Variants in AKAP13 observed in about 807,000 individuals in gnomAD.
AKAP13 encodes the protein A-kinase anchor protein 13.
In AKAP13, 80 loss-of-function variants were observed where a neutral mutation model predicts 264.5. That is an observed-to-expected ratio of 0.30 (90% confidence interval 0.25 to 0.36). The LOEUF (loss-of-function observed/expected upper bound fraction) is 0.36. Among genes scored for constraint, AKAP13 ranks in the 10% least tolerant of loss-of-function variants. The pLI, the probability that AKAP13 is intolerant of heterozygous loss-of-function variation, is 1.00. For synonymous variants in AKAP13, 1,380 were observed against 1,250.2 expected (o/e 1.10, Z -2.19); for missense variants, 3,712 against 3,435.2 (o/e 1.08, Z -2.01).
At chr15:85,721,404 G>A (rs1005852348) in intron 23 of AKAP13, among the ~76,000 whole-genome samples, 10 of 152,178 alleles carry the variant, frequency 6.6e-5, no homozygotes, top group African/African-American at 2.4e-4. Flanking sequence ...TCAATAATTA[G>A]CATGTATTTT....
At chr15:85,390,371 G>C (rs2070794282) in intron 1 of AKAP13, among the ~76,000 whole-genome samples, 1 of 152,184 alleles carries the variant, frequency 6.6e-6, no homozygotes, top group African/African-American at 2.4e-5. Flanking sequence ...AAGGGAGCAA[G>C]TCACATGAAG....
intron 17 of AKAP13, among the ~76,000 whole-genome samples, chr15:85,700,683 G>C (rs768424023): frequency 1.3e-5 from 2 of 152,088 alleles, no homozygotes; most frequent in Non-Finnish European, 1.5e-5. Context: ...ACATAAAAAC[G>C]TACCTTCTTA....
intron 1 of AKAP13, among the ~76,000 whole-genome samples, chr15:85,462,968 GAGCCGAGATCCCGCCACTGCACTCC>G (rs1168057681): frequency 1.0e-4 from 14 of 137,872 alleles, no homozygotes; most frequent in African/African-American, 3.5e-4. Flanking sequence ...AGCTTGCAGT[GAGCCGAGATCCCGCCACTGCACTCC>G]AGCCTGGGCG....
At chr15:85,683,534 A>C (rs1353890898) in intron 15 of AKAP13, 1 of 152,166 alleles carries the variant, frequency 6.6e-6, no homozygotes, top group Non-Finnish European at 1.5e-5. Flanking sequence ...GGCACAAACA[A>C]TCTCGGCTCA....
intron 1 of AKAP13, among the ~76,000 whole-genome samples, chr15:85,463,267 AT>A (rs780797151): frequency 3.5e-4 from 53 of 152,344 alleles, no homozygotes; most frequent in South Asian, 2.5e-3. Context: ...AGAAAAAAAT[AT>A]TTGAACAAAC....
At chr15:85,522,244 A>G (rs558479531) in intron 3 of AKAP13, among the ~76,000 whole-genome samples, 1 of 152,302 alleles carries the variant, frequency 6.6e-6, no homozygotes, top group African/African-American at 2.4e-5. Flanking sequence ...TAATTTTTAT[A>G]AACATAATAC....
At chr15:85,734,246 C>G (rs922656819) in intron 30 of AKAP13, among the ~76,000 whole-genome samples, 7 of 152,202 alleles carry the variant, frequency 4.6e-5, no homozygotes, top group Admixed American at 3.9e-4. Flanking sequence ...CACCATCACT[C>G]CCTGTTCTTA....
intron 8 of AKAP13, chr15:85,621,534 G>A (rs993860802): frequency 6.6e-6 from 1 of 151,978 alleles, no homozygotes; most frequent in Non-Finnish European, 1.5e-5. Flanking sequence ...TGGGGAGAAG[G>A]ATAAAAAGAA....
intron 5 of AKAP13, among the ~76,000 whole-genome samples, chr15:85,568,232 T>A (rs988541032): frequency 1.3e-5 from 2 of 151,624 alleles, no homozygotes; most frequent in Admixed American, 6.6e-5. Context: ...CCCCGGAGGT[T>A]GAGGCTGCAG....
intron 5 of AKAP13, among the ~76,000 whole-genome samples, chr15:85,566,150 C>T (rs1438399835): frequency 6.6e-6 from 1 of 152,222 alleles, no homozygotes; most frequent in African/African-American, 2.4e-5. Context: ...TTTATTTATA[C>T]TCTATTACAG....
At chr15:85,497,352 G>A (rs1225087672) in intron 2 of AKAP13, among the ~76,000 whole-genome samples, 1 of 152,200 alleles carries the variant, frequency 6.6e-6, no homozygotes, top group Non-Finnish European at 1.5e-5. Flanking sequence ...GACGAGCTGT[G>A]CAAACAGTGA....
intron 8 of AKAP13, among the ~76,000 whole-genome samples, chr15:85,586,187 T>A (rs1316538693): frequency 6.6e-6 from 1 of 151,928 alleles, no homozygotes; most frequent in East Asian, 1.9e-4. Context: ...TTCCTTCTTT[T>A]TCTTTTTCTT....
rs535183874 is a variant in AKAP13 at position 85,744,039 on chromosome 15, G to C, written c.8392+214G>C. 2.4e-5 allele frequency: 14 copies of C among 577,658 alleles called. No homozygotes were observed. In the South Asian group the frequency reaches 3.4e-4, roughly 14 times the overall value. 35.8% of individuals were successfully genotyped at this position (577,658 alleles called of 1,614,324 possible). On this transcript the variant is annotated intron_variant, in intron 36 of 36. Transcript: ENST00000394518. Reference sequence around the variant, plus strand: ...TGTGGCACGTGTGCAGAAGCAGAGAGCATGGGTTTCATTTTCAAGGCATTA... The same window carrying C: ...TGTGGCACGTGTGCAGAAGCAGAGACCATGGGTTTCATTTTCAAGGCATTA...
chr15:85,733,180 A>C (rs954112089), intron 30 of AKAP13, among the ~76,000 whole-genome samples: 5 of 152,372 alleles, frequency 3.3e-5, no homozygotes, highest in African/African-American at 1.2e-4. Flanking sequence ...GAGCTCTTTC[A>C]TGCTGGTAAT....
At chr15:85,656,865 C>T (rs1284378523) in intron 11 of AKAP13, among the ~76,000 whole-genome samples, 1 of 152,150 alleles carries the variant, frequency 6.6e-6, no homozygotes, top group Non-Finnish European at 1.5e-5. Flanking sequence ...TCCAAAGCTA[C>T]TTTGCTAATA....
chr15:85,701,000 A>T (rs1284382800), intron 17 of AKAP13: 2 of 152,216 alleles, frequency 1.3e-5, no homozygotes, highest in African/African-American at 2.4e-5. Flanking sequence ...GTTCTCATTA[A>T]CTTTGAAAGT....
chr15:85,390,193 A>T (rs1026689247), intron 1 of AKAP13, among the ~76,000 whole-genome samples: 1 of 152,212 alleles, frequency 6.6e-6, no homozygotes, highest in South Asian at 2.1e-4. Flanking sequence ...TGCTGCCGTT[A>T]ATCTATATCC....
At chr15:85,628,542 C>T (rs1036306481) in intron 8 of AKAP13, among the ~76,000 whole-genome samples, 2 of 152,302 alleles carry the variant, frequency 1.3e-5, no homozygotes, top group South Asian at 4.2e-4. Flanking sequence ...TGCATCATCT[C>T]AGATCTGCTT....
At chr15:85,649,591 C>A (rs935759669) in intron 10 of AKAP13, among the ~76,000 whole-genome samples, 6 of 152,136 alleles carry the variant, frequency 3.9e-5, no homozygotes, top group African/African-American at 1.4e-4. Context: ...GTGTCTCTGG[C>A]CTCACAGAGG....
Sources: gnomAD v4.1 joint callset for allele counts (sites outside exome capture counted in the v4.1 genomes callset) on GRCh38, gnomAD v4.1.1 for gene constraint, MANE v1.5 for transcripts, NCBI Gene and HGNC (gene_info 2026-07-23, HGNC 2026-07-21) for gene names.